GLDC: variants seen among roughly 807,000 people sequenced by gnomAD.
The protein encoded by GLDC is glycine dehydrogenase (decarboxylating), mitochondrial.
A neutral mutation model predicts 121.3 loss-of-function variants in GLDC; 104 were observed. That is an observed-to-expected ratio of 0.86 (90% confidence interval 0.73 to 1.01). The LOEUF is 1.01. Among genes scored for constraint, GLDC ranks in the 50% least tolerant of loss-of-function variants. The pLI is 0.00. For synonymous variants in GLDC, 546 were observed against 480.6 expected (o/e 1.14, Z -1.78); for missense variants, 1,429 against 1,306.6 (o/e 1.09, Z -1.44).
intron 3 of GLDC, among the ~76,000 whole-genome samples, chr9:6,611,167 T>C (rs1004658344): frequency 5.3e-5 from 8 of 152,208 alleles, no homozygotes; most frequent in African/African-American, 1.9e-4. Flanking sequence ...AATTCCAGGA[T>C]GGAAATGTTT....
intron 21 of GLDC, among the ~76,000 whole-genome samples, chr9:6,548,473 G>T (rs969680971): frequency 2.6e-5 from 4 of 152,166 alleles, no homozygotes; most frequent in Non-Finnish European, 4.4e-5. Context: ...GCCCACAACT[G>T]TGTTTTCTGC....
At chr9:6,545,970 A>G (rs1328825076) in intron 21 of GLDC, among the ~76,000 whole-genome samples, 1 of 152,184 alleles carries the variant, frequency 6.6e-6, no homozygotes, top group Non-Finnish European at 1.5e-5. Flanking sequence ...TATAAACTAA[A>G]TTTTTTAAAC....
At chr9:6,562,059 C>T (rs1817769490) in intron 16 of GLDC, among the ~76,000 whole-genome samples, 1 of 152,168 alleles carries the variant, frequency 6.6e-6, no homozygotes, top group South Asian at 2.1e-4. Flanking sequence ...GAACAGCAAA[C>T]CTAATTGTTT....
chr9:6,568,617 G>C (rs368194412), intron 15 of GLDC, among the ~76,000 whole-genome samples: 3 of 152,210 alleles, frequency 2.0e-5, no homozygotes, highest in African/African-American at 7.2e-5. Flanking sequence ...GGAGGCCAAG[G>C]TGGGCGGATC....
intron 21 of GLDC, among the ~76,000 whole-genome samples, chr9:6,542,777 G>A (rs889330855): frequency 5.3e-5 from 8 of 150,798 alleles, no homozygotes; most frequent in Admixed American, 3.3e-4. Flanking sequence ...TACCAGCTAC[G>A]TGTAAGGCTG....
intron 15 of GLDC, among the ~76,000 whole-genome samples, chr9:6,577,367 G>A (rs1298594616): frequency 1.3e-5 from 2 of 152,180 alleles, no homozygotes; most frequent in African/African-American, 4.8e-5. Flanking sequence ...AGATGGAGGT[G>A]GTTATGTTTT....
intron 2 of GLDC, among the ~76,000 whole-genome samples, chr9:6,626,612 G>C (rs1819243641): frequency 6.6e-6 from 1 of 152,174 alleles, no homozygotes; most frequent in Non-Finnish European, 1.5e-5. Flanking sequence ...AAAATCATCA[G>C]AGCTGCTATG....
intron 22 of GLDC, among the ~76,000 whole-genome samples, chr9:6,537,990 A>G (rs1817172082): frequency 6.6e-6 from 1 of 152,228 alleles, no homozygotes; most frequent in Non-Finnish European, 1.5e-5. Context: ...TCATGACTAG[A>G]ATTCAGTATC....
At chr9:6,619,036 G>C (rs1006929109) in intron 3 of GLDC, among the ~76,000 whole-genome samples, 3 of 151,448 alleles carry the variant, frequency 2.0e-5, no homozygotes, top group Admixed American at 1.3e-4. Flanking sequence ...CCAGCTACTC[G>C]GGAGGCTGAG....
rs373263202 is a variant in GLDC at position 6,604,613 on chromosome 9, G to T, written c.1033C>A (p.Pro345Thr). 3.7e-6 allele frequency: 6 copies of T among 1,612,612 alleles called. No individual in the cohort carries two copies. Among genetic ancestry groups the T allele is most frequent in the Non-Finnish European group, 4.2e-6 (5 of 1,179,850 alleles). Residue 345 changes from proline (P) to threonine (T), a missense_variant, in exon 7 of 25, where the codon CCT becomes ACT. Coordinates refer to ENST00000321612, the MANE Select transcript of GLDC (RefSeq NM_000170.3). ...CTTGTTACCCCCACCATTCTTCCAGGCATCATTCTCACCAAGCTTTCTCGG... is the reference window on the plus strand; with the variant it reads ...CTTGTTACCCCCACCATTCTTCCAGTCATCATTCTCACCAAGCTTTCTCGG... The part of the protein sequence containing the change: ...AVRESLVRMM[P>T]GRMVGVTRDA...
intron 16 of GLDC, among the ~76,000 whole-genome samples, chr9:6,565,035 G>A (rs1322671781): frequency 6.6e-6 from 1 of 152,212 alleles, no homozygotes; most frequent in Non-Finnish European, 1.5e-5. Context: ...GAGCCAAGGA[G>A]AGGATGCTTG....
chr9:6,644,612 A>G lies in GLDC; in HGVS notation c.334+2T>C. 6.2e-7 allele frequency: 1 copy of G among 1,606,020 alleles called. No homozygotes were observed. Among genetic ancestry groups the G allele is most frequent in the African/African-American group, 1.3e-5 (1 of 74,880 alleles). On this transcript the variant is annotated splice_donor_variant, in intron 2 of 24. Coordinates refer to ENST00000321612, the MANE Select transcript of GLDC (RefSeq NM_000170.3). LOFTEE classifies it high-confidence loss of function. ...TCCAAGGGAGCCCTCCCGGCCACTTACAAACAGGGTCTTCCATTTTCAAGG... is the reference window on the plus strand; with the variant it reads ...TCCAAGGGAGCCCTCCCGGCCACTTGCAAACAGGGTCTTCCATTTTCAAGG...
intron 15 of GLDC, among the ~76,000 whole-genome samples, chr9:6,573,931 G>A (rs529959619): frequency 6.6e-6 from 1 of 152,280 alleles, no homozygotes; most frequent in South Asian, 2.1e-4. Context: ...ATTTTAACCA[G>A]TGAAACTCCA....
At chr9:6,604,982 G>A (rs895234654) in intron 6 of GLDC, 149 bp downstream of exon 6, 6 of 937,622 alleles carry the variant, frequency 6.4e-6, no homozygotes, top group Non-Finnish European at 1.0e-5. Flanking sequence ...GAAAAAAGTA[G>A]CAGCAAGGAG....
chr9:6,587,212 C>G lies in GLDC; in HGVS notation c.1779G>C (p.Gln593His), dbSNP rs751877218. 4 of 1,613,996 alleles carry G rather than the reference C, an allele frequency of 2.5e-6. No homozygotes were observed. In the South Asian group the frequency reaches 4.4e-5, roughly 18 times the overall value. ...VPLDQAQGYQ[Q>H]LFRELEKDLC... ...AATCCTTCTCAAGCTCTCGGAAAAG[C>G]TGCTGATATCCTTGAGCTTGATCCA... is the stretch of plus-strand genomic sequence containing the variant. Residue 593 changes from glutamine to histidine, a missense_variant, in exon 15 of 25, where the codon CAG becomes CAC. By Grantham distance (24) the Gln-to-His change is conservative (BLOSUM62 0). Transcript: ENST00000321612.
At chr9:6,644,554 C>A in intron 2 of GLDC, 60 bp downstream of exon 2, 3 of 1,165,972 alleles carry the variant, frequency 2.6e-6, no homozygotes, top group Non-Finnish European at 3.9e-6. Context: ...TTTCAGGGAA[C>A]CACAAAAGAC....
chr9:6,534,793 G>A lies in GLDC; in HGVS notation c.2839-5C>T, dbSNP rs1817084613. 1 of 1,558,306 alleles carries A rather than the reference G, an allele frequency of 6.4e-7. No homozygotes were observed. The highest frequency in any genetic ancestry group is 2.2e-5 in the East Asian group (1 of 44,588). The stretch of plus-strand genomic sequence containing the variant: ...GGTCAGGGAGTGTGGAGACATCTGA[G>A]ACAGAGACACGGACAGAGGAGGGGT... On this transcript the variant is annotated splice_region_variant and splice_polypyrimidine_tract_variant and intron_variant, in intron 23 of 24. Coordinates refer to ENST00000321612, the MANE Select transcript of GLDC (RefSeq NM_000170.3).
intron 15 of GLDC, among the ~76,000 whole-genome samples, chr9:6,577,677 ATCTT>A (rs1818093770): frequency 6.6e-6 from 1 of 152,056 alleles, no homozygotes; most frequent in Admixed American, 6.6e-5. Context: ...CCTTTCATAC[ATCTT>A]TCCACCTATG....
At chr9:6,549,791 C>T (rs1022842329) in intron 21 of GLDC, among the ~76,000 whole-genome samples, 17 of 152,086 alleles carry the variant, frequency 1.1e-4, no homozygotes, top group African/African-American at 3.4e-4. Flanking sequence ...CAGGTGTGAG[C>T]CACCACCCCA....
Sources: gnomAD v4.1 joint callset for allele counts (sites outside exome capture counted in the v4.1 genomes callset) on GRCh38, gnomAD v4.1.1 for gene constraint, MANE v1.5 for transcripts, NCBI Gene and HGNC (gene_info 2026-07-23, HGNC 2026-07-21) for gene names.